Variants in PDE4B observed in about 807,000 individuals in gnomAD.
PDE4B encodes 3',5'-cyclic-AMP phosphodiesterase 4B.
Under a neutral mutation model 82.2 loss-of-function variants are expected in PDE4B, and 20 were observed. The ratio of observed to expected loss-of-function variants is 0.24; its 90% confidence interval spans 0.17 to 0.35. The LOEUF is 0.35. Ranked by LOEUF, PDE4B falls within the 10% of genes least tolerant of loss-of-function variation. The pLI, the probability that PDE4B is intolerant of heterozygous loss-of-function variation, is 1.00. For synonymous variants in PDE4B, 320 were observed against 318.9 expected (o/e 1.00, Z -0.04); for missense variants, 655 against 907.2 (o/e 0.72, Z 3.57).
At chr1:66,251,063 T>C (rs1482328587) in intron 4 of PDE4B, among the ~76,000 whole-genome samples, 2 of 152,230 alleles carry the variant, frequency 1.3e-5, no homozygotes, top group African/African-American at 4.8e-5. Context: ...CAGTGTGGTT[T>C]CTAAGACTTG....
chr1:66,156,089 C>T (rs1341690489), intron 3 of PDE4B, among the ~76,000 whole-genome samples: 1 of 152,096 alleles, frequency 6.6e-6, no homozygotes, highest in African/African-American at 2.4e-5. Context: ...GTGTAAATAT[C>T]ACAAAACCTA....
intron 3 of PDE4B, among the ~76,000 whole-genome samples, chr1:66,121,751 A>G (rs1645713343): frequency 6.6e-6 from 1 of 152,238 alleles, no homozygotes; most frequent in Admixed American, 6.5e-5. Flanking sequence ...TATCTCTGCT[A>G]TAACTTCGTA....
rs183850457 is a variant in PDE4B at position 65,896,097 on chromosome 1, C to A, written c.-70-17148C>A. Among the ~76,000 whole-genome samples, 116 of 151,860 alleles carry A rather than the reference C, an allele frequency of 7.6e-4. 1 individual carries two copies. The highest frequency in any genetic ancestry group is 2.7e-3 in the African/African-American group (110 of 41,456). ...ATCTACATTCCATTTTTTATATATG[C>A]ATGTGTGTGTGTGTATGTGTTACTA... On this transcript the variant is annotated intron_variant, in intron 1 of 16. Transcript: ENST00000341517.
chr1:66,144,848 G>C (rs1048876089), intron 3 of PDE4B, among the ~76,000 whole-genome samples: 1 of 152,208 alleles, frequency 6.6e-6, no homozygotes, highest in Non-Finnish European at 1.5e-5. Context: ...TGAGTAACTG[G>C]AGAGGTATTC....
At chr1:66,190,542 C>A (rs1647689150) in intron 3 of PDE4B, among the ~76,000 whole-genome samples, 1 of 152,192 alleles carries the variant, frequency 6.6e-6, no homozygotes, top group South Asian at 2.1e-4. Flanking sequence ...GGCGGGCACC[C>A]CTCCCCCAGC....
At chr1:66,181,882 G>A (rs756636261) in intron 3 of PDE4B, among the ~76,000 whole-genome samples, 7 of 151,968 alleles carry the variant, frequency 4.6e-5, no homozygotes, top group Non-Finnish European at 1.0e-4. Context: ...GCTATGATTG[G>A]CCTTGGATAG....
At chr1:66,328,085 A>C (rs756672344) in intron 7 of PDE4B, among the ~76,000 whole-genome samples, 2 of 152,230 alleles carry the variant, frequency 1.3e-5, no homozygotes, top group Non-Finnish European at 2.9e-5. Flanking sequence ...GTGTGCTGGG[A>C]GCTCCTTTGA....
chr1:65,868,355 A>C (rs1343626781), intron 1 of PDE4B, among the ~76,000 whole-genome samples: 2 of 152,216 alleles, frequency 1.3e-5, no homozygotes, highest in Non-Finnish European at 2.9e-5. Flanking sequence ...AGTAAAGTAC[A>C]AGAAAGCGCA....
intron 3 of PDE4B, among the ~76,000 whole-genome samples, chr1:66,087,591 A>C (rs552957701): frequency 1.3e-5 from 2 of 152,102 alleles, no homozygotes; most frequent in South Asian, 4.2e-4. Flanking sequence ...CTGAATGGTA[A>C]TGCCTAGGTT....
At chr1:66,326,007 G>A (rs994422748) in intron 7 of PDE4B, among the ~76,000 whole-genome samples, 13 of 152,192 alleles carry the variant, frequency 8.5e-5, no homozygotes, top group African/African-American at 3.1e-4. Context: ...AGCTGGGGCA[G>A]ACTCTACTGT....
intron 1 of PDE4B, among the ~76,000 whole-genome samples, chr1:65,853,052 T>G (rs2100220361): frequency 6.6e-6 from 1 of 152,288 alleles, no homozygotes; most frequent in South Asian, 2.1e-4. Context: ...CCTCTTGTTT[T>G]TTGAAGTTCT....
chr1:65,885,053 G>C (rs1028585274), intron 1 of PDE4B, among the ~76,000 whole-genome samples: 23 of 152,132 alleles, frequency 1.5e-4, no homozygotes, highest in African/African-American at 4.8e-4. Context: ...GGGCAAAGGA[G>C]ATGAACAGAC....
intron 7 of PDE4B, among the ~76,000 whole-genome samples, chr1:66,320,474 A>G (rs1205570927): frequency 6.6e-6 from 1 of 152,202 alleles, no homozygotes; most frequent in Non-Finnish European, 1.5e-5. Flanking sequence ...GTAACACTGA[A>G]TAAATCAGTA....
chr1:66,272,472 C>A (rs963891643), intron 7 of PDE4B, among the ~76,000 whole-genome samples: 1 of 152,172 alleles, frequency 6.6e-6, no homozygotes, highest in Non-Finnish European at 1.5e-5. Flanking sequence ...CATCTGACTA[C>A]CTCTGGTAAC....
chr1:66,001,395 A>T (rs1253492468), intron 3 of PDE4B, among the ~76,000 whole-genome samples: 1 of 152,244 alleles, frequency 6.6e-6, no homozygotes, highest in Non-Finnish European at 1.5e-5. Flanking sequence ...TTTTGGGATC[A>T]AAAGAAAAAT....
intron 4 of PDE4B, among the ~76,000 whole-genome samples, chr1:66,253,939 A>C (rs1272668528): frequency 6.6e-6 from 1 of 152,232 alleles, no homozygotes; most frequent in Non-Finnish European, 1.5e-5. Context: ...TCATGTTGAC[A>C]TTATGCCCTA....
chr1:65,800,223 T>G lies in PDE4B; in HGVS notation c.-71+6975T>G, dbSNP rs1570947143. ...GTATTGAAATTACTTTTAAGCAGAC[T>G]GCCTATATATACTTAAAGGAAGCTC... On this transcript the variant is annotated intron_variant, in intron 1 of 16. Coordinates refer to ENST00000341517, the MANE Select transcript of PDE4B (RefSeq NM_002600.4). Among the ~76,000 whole-genome samples, 4 of 152,314 alleles carry G rather than the reference T, an allele frequency of 2.6e-5. No individual in the cohort carries two copies. The Middle Eastern group carries it at 0.01, about 389-fold the overall frequency.
intron 3 of PDE4B, among the ~76,000 whole-genome samples, chr1:66,189,228 G>A (rs9662903): frequency 0.5 from 76,335 of 151,626 alleles, 19,897 homozygotes; most frequent in South Asian, 0.63. Flanking sequence ...GTTTCCCTTT[G>A]TGGGTAACCT....
chr1:66,163,446 A>T (rs1176229509), intron 3 of PDE4B, among the ~76,000 whole-genome samples: 2 of 152,132 alleles, frequency 1.3e-5, no homozygotes, highest in Non-Finnish European at 2.9e-5. Flanking sequence ...TATTAGTACT[A>T]TTAATCTCTT....
Sources: gnomAD v4.1 joint callset for allele counts (sites outside exome capture counted in the v4.1 genomes callset) on GRCh38, gnomAD v4.1.1 for gene constraint, MANE v1.5 for transcripts, NCBI Gene and HGNC (gene_info 2026-07-23, HGNC 2026-07-21) for gene names.